The following ATP7B variants were observed in gnomAD, a reference collection of about 807,000 sequenced individuals.
ATP7B encodes copper-transporting ATPase 2.
ATP7B carries 113 observed loss-of-function variants against 118.9 expected under a neutral mutation model. The observed-to-expected ratio is 0.95, with a 90% CI of 0.82 to 1.11. The LOEUF (loss-of-function observed/expected upper bound fraction) is 1.11. Among genes scored for constraint, ATP7B ranks in the 50% most tolerant of loss-of-function variants. The pLI is 0.00. For missense variants in ATP7B, 1,867 were observed against 1,871.4 expected (o/e 1.00, Z 0.04); for synonymous variants, 777 against 727.4 (o/e 1.07, Z -1.10).
chr13:51,997,102 C>T (rs911291485), intron 1 of ATP7B, among the ~76,000 whole-genome samples: 2 of 152,178 alleles, frequency 1.3e-5, no homozygotes, highest in African/African-American at 2.4e-5. Context: ...TCTAGTGATT[C>T]TTCAGGTCTT....
intron 8 of ATP7B, 54 bp downstream of exon 8, chr13:51,958,257 T>G: frequency 2.0e-4 from 314 of 1,543,662 alleles, no homozygotes; most frequent in Non-Finnish European, 2.6e-4. Context: ...TCAGAGGAAG[T>G]GAGATTTGTT....
intron 8 of ATP7B, chr13:51,957,904 A>G: frequency 2.1e-6 from 1 of 468,942 alleles, no homozygotes. Context: ...AATTTCTTTT[A>G]GGGCCTGAGT....
intron 3 of ATP7B, among the ~76,000 whole-genome samples, chr13:51,970,021 T>G (rs1248630251): frequency 6.6e-6 from 1 of 152,214 alleles, no homozygotes; most frequent in Non-Finnish European, 1.5e-5. Flanking sequence ...GGAAATGCAT[T>G]CTGGAGGACA....
intron 1 of ATP7B, among the ~76,000 whole-genome samples, chr13:51,994,980 T>C (rs1215583555): frequency 6.6e-6 from 1 of 152,196 alleles, no homozygotes; most frequent in Non-Finnish European, 1.5e-5. Flanking sequence ...AAATGTTTAG[T>C]TAAAATGTAC....
At position 51,973,926 on chromosome 13, in the gene ATP7B, A is replaced by T; in HGVS notation, c.1285+9T>A. ...CAAGCTCAGGACATGCCTCAAACACACTACGTACCAGAAACGACTGAAGCC... is the reference window on the plus strand; with the variant it reads ...CAAGCTCAGGACATGCCTCAAACACTCTACGTACCAGAAACGACTGAAGCC... On this transcript the variant is annotated intron_variant, in intron 2 of 20. Coordinates refer to ENST00000242839, the MANE Select transcript of ATP7B (RefSeq NM_000053.4). 3 of 1,614,220 alleles carry T rather than the reference A, an allele frequency of 1.9e-6. No homozygotes were observed. Among genetic ancestry groups the T allele is most frequent in the Non-Finnish European group, 2.5e-6 (3 of 1,180,024 alleles).
chr13:51,946,856 CAT>C (rs1457403811), intron 12 of ATP7B, among the ~76,000 whole-genome samples: 1 of 152,160 alleles, frequency 6.6e-6, no homozygotes, highest in African/African-American at 2.4e-5. Flanking sequence ...AGGCAATACA[CAT>C]ATAAACATAT....
chr13:52,012,082 G>T, upstream of ATP7B: 3 of 503,592 alleles, frequency 6.0e-6, no homozygotes, highest in East Asian at 7.3e-5. Flanking sequence ...GGCGGGCTTT[G>T]GGCCGGGAAC....
At chr13:51,991,857 TC>T (rs966738207) in intron 1 of ATP7B, among the ~76,000 whole-genome samples, 6 of 152,098 alleles carry the variant, frequency 3.9e-5, no homozygotes, top group African/African-American at 1.2e-4. Flanking sequence ...GGGAAGGCCC[TC>T]CTCCCTATTT....
Position 51,987,099 on chromosome 13 carries a change from T to C in ATP7B, c.52-11931A>G, listed in dbSNP as rs1040481245. Among the ~76,000 whole-genome samples the C allele has an allele frequency of 3.9e-5, 6 of 152,264 alleles. No individual in the cohort carries two copies. In the South Asian group the frequency reaches 6.2e-4, roughly 16 times the overall value. On this transcript the variant is annotated intron_variant, in intron 1 of 20. Coordinates refer to ENST00000242839, the MANE Select transcript of ATP7B (RefSeq NM_000053.4). ...TCAGGCAAGAGAAAGAAATAAAGGATATTCAAATAGGAAGAGAGGAAGTCA... is the reference window on the plus strand; with the variant it reads ...TCAGGCAAGAGAAAGAAATAAAGGACATTCAAATAGGAAGAGAGGAAGTCA...
In ATP7B at chr13:52,011,423, T is replaced by G. The variant is rs1954031298; in HGVS notation, c.-86A>C. The G allele has an allele frequency of 6.3e-7, 1 of 1,581,876 alleles. No homozygotes were observed. The highest frequency in any genetic ancestry group is 2.3e-5 in the East Asian group (1 of 44,422). ...GGTGGAGGAGAGCGGGGTGTTAAAG[T>G]CCCGGGAGAGGAGGCGCAGAGTGTG... is the stretch of plus-strand genomic sequence containing the variant. On this transcript the variant is annotated 5_prime_UTR_variant, in exon 1 of 21. Transcript: ENST00000242839.
At position 51,938,815 on chromosome 13, in the gene ATP7B, G is replaced by A. The variant is rs1473041641; in HGVS notation, c.3699+236C>T. 2.0e-5 allele frequency among the ~76,000 whole-genome samples: 3 copies of A among 152,180 alleles called. No individual in the cohort carries two copies. The East Asian group carries it at 5.8e-4, about 29-fold the overall frequency. On this transcript the variant is annotated intron_variant, in intron 17 of 20. Transcript: ENST00000242839. ...ACTGGGAAACGGTTAGAGAACCCTG[G>A]AACTCCTTTTTTTCCAGGATGCATG...
chr13:51,962,630 G>T (rs899823965), intron 5 of ATP7B, among the ~76,000 whole-genome samples: 2 of 152,154 alleles, frequency 1.3e-5, no homozygotes, highest in Admixed American at 1.3e-4. Flanking sequence ...ACTGTCTAAA[G>T]ACAAATCCTT....
In ATP7B at chr13:51,934,649, A is replaced by G. The variant is rs1194768009; in HGVS notation, c.*107T>C. ...TGACTGGACATATCCAGGGAGCGGA[A>G]GTCCCCAAAGCTGGAGGCTAGCTCA... On this transcript the variant is annotated 3_prime_UTR_variant, in exon 21 of 21. Transcript: ENST00000242839. The G allele has an allele frequency of 6.5e-7, 1 of 1,534,084 alleles. No homozygotes were observed. The highest frequency in any genetic ancestry group is 1.4e-5 in the African/African-American group (1 of 73,348).
intron 15 of ATP7B, 128 bp downstream of exon 15, chr13:51,942,254 GAGGC>G: frequency 7.3e-7 from 1 of 1,372,052 alleles, no homozygotes. Context: ...TGGGTGTGGG[GAGGC>G]AGGCTTGGGT....
chr13:51,953,457 T>C (rs1304942858), intron 9 of ATP7B, among the ~76,000 whole-genome samples: 1 of 152,208 alleles, frequency 6.6e-6, no homozygotes, highest in Non-Finnish European at 1.5e-5. Flanking sequence ...TTCTAAGAAA[T>C]CTTTAGTAAT....
intron 9 of ATP7B, among the ~76,000 whole-genome samples, chr13:51,955,042 G>A (rs556978504): frequency 3.3e-5 from 5 of 152,294 alleles, no homozygotes; most frequent in South Asian, 2.1e-4. Flanking sequence ...ACCTAGAAAC[G>A]CTGCCAGCAC....
chr13:51,966,619 A>C, intron 4 of ATP7B: 1 of 748,184 alleles, frequency 1.3e-6, no homozygotes, highest in Non-Finnish European at 2.2e-6. Flanking sequence ...TAAAATCTGA[A>C]TATGTGATGA....
chr13:51,980,275 C>T (rs759485448), intron 1 of ATP7B, among the ~76,000 whole-genome samples: 7 of 152,190 alleles, frequency 4.6e-5, no homozygotes, highest in Non-Finnish European at 1.0e-4. Context: ...ACATTTGGGA[C>T]ATTTTCTGCA....
chr13:52,000,948 A>C (rs138405770), intron 1 of ATP7B, among the ~76,000 whole-genome samples: 36 of 152,334 alleles, frequency 2.4e-4, no homozygotes, highest in Non-Finnish European at 4.7e-4. Context: ...TGAGCCCAGG[A>C]GGTGGAGGTT....
Sources: gnomAD v4.1 joint callset for allele counts (sites outside exome capture counted in the v4.1 genomes callset) on GRCh38, gnomAD v4.1.1 for gene constraint, MANE v1.5 for transcripts, NCBI Gene and HGNC (gene_info 2026-07-23, HGNC 2026-07-21) for gene names.